LY75: variants seen among roughly 807,000 people sequenced by gnomAD.
The protein encoded by LY75 is lymphocyte antigen 75.
A neutral mutation model predicts 231.7 loss-of-function variants in LY75; 185 were observed. The ratio of observed to expected loss-of-function variants is 0.80; its 90% CI spans 0.71 to 0.90. The LOEUF (loss-of-function observed/expected upper bound fraction) is 0.90. Ranked by LOEUF, LY75 falls within the 40% of genes least tolerant of loss-of-function variation. The pLI is 0.00. For synonymous variants in LY75, 668 were observed against 689.0 expected, an observed-to-expected ratio of 0.97 and a Z score of 0.48; for missense variants, 1,947 against 2,050.2, an observed-to-expected ratio of 0.95 and a Z score of 0.97.
Position 159,850,049 on chromosome 2 carries a change from A to C in LY75, c.3081T>G (p.Asp1027Glu). 1 of 1,614,000 alleles carries C rather than the reference A, an allele frequency of 6.2e-7. No individual in the cohort carries two copies. Among genetic ancestry groups the C allele is most frequent in the Non-Finnish European group, 8.5e-7 (1 of 1,179,920 alleles). The change falls in exon 23 of 35, where the codon GAT becomes GAG. Residue 1027 changes from aspartate to glutamate, a missense_variant. Asp to Glu is a conservative substitution (Grantham distance 45). Transcript: ENST00000263636. ...TAYEKINKWT[D>E]NRELTYSNFH... is the part of the protein sequence containing the mutation. ...AGTTACTGTACGTCAGCTCTCTGTTATCTGTCCATTTGTTTATCTTTTCAT... is the reference window on the plus strand; with the variant it reads ...AGTTACTGTACGTCAGCTCTCTGTTCTCTGTCCATTTGTTTATCTTTTCAT...
At chr2:159,837,964 T>C (rs1683882803) in intron 25 of LY75, among the ~76,000 whole-genome samples, 1 of 152,172 alleles carries the variant, frequency 6.6e-6, no homozygotes, top group African/African-American at 2.4e-5. Context: ...TAATTCTATG[T>C]ATTTTTATTT....
chr2:159,848,077 T>TACAC (rs1170525085), intron 23 of LY75, among the ~76,000 whole-genome samples: 6 of 30,918 alleles, frequency 1.9e-4, no homozygotes, highest in African/African-American at 7.9e-4. Context: ...TGTATATATA[T>TACAC]ATATATATAT....
intron 28 of LY75, among the ~76,000 whole-genome samples, chr2:159,823,972 C>T (rs1454663024): frequency 6.6e-6 from 1 of 152,160 alleles, no homozygotes; most frequent in East Asian, 1.9e-4. Context: ...AAAGGAAAAA[C>T]CGGTACCAGC....
intron 1 of LY75, 93 bp downstream of exon 1, chr2:159,904,496 C>A (rs1409194528): frequency 5.2e-6 from 7 of 1,336,056 alleles, no homozygotes; most frequent in Non-Finnish European, 6.9e-6. Flanking sequence ...CGTGACCTGC[C>A]CCAGGGGCGC....
At chr2:159,882,039 G>T in intron 7 of LY75, 85 bp downstream of exon 7, 3 of 1,469,308 alleles carry the variant, frequency 2.0e-6, no homozygotes, top group Non-Finnish European at 2.7e-6. Flanking sequence ...CAAACTGTAA[G>T]CTTTTCATTC....
intron 14 of LY75, among the ~76,000 whole-genome samples, chr2:159,864,117 T>C (rs1441319536): frequency 6.6e-6 from 1 of 152,212 alleles, no homozygotes; most frequent in Non-Finnish European, 1.5e-5. Flanking sequence ...TTAAGTGATG[T>C]ACGACTGTAT....
intron 23 of LY75, among the ~76,000 whole-genome samples, chr2:159,849,591 TACATCCATCAG>T (rs1053669663): frequency 1.6e-4 from 25 of 152,194 alleles, no homozygotes; most frequent in African/African-American, 5.5e-4. Flanking sequence ...GAAAAACCAG[TACATCCATCAG>T]AAGGCTGGGG....
intron 31 of LY75, among the ~76,000 whole-genome samples, chr2:159,815,166 AT>A (rs545168458): frequency 2.6e-5 from 4 of 151,304 alleles, no homozygotes; most frequent in Non-Finnish European, 4.4e-5. Flanking sequence ...ATGCCCAGCT[AT>A]TTTTTTTGCA....
At chr2:159,899,345 G>A (rs1396050016) in intron 1 of LY75, among the ~76,000 whole-genome samples, 1 of 152,164 alleles carries the variant, frequency 6.6e-6, no homozygotes, top group Non-Finnish European at 1.5e-5. Flanking sequence ...CTGTGCTCCA[G>A]TTTTCATATG....
Position 159,875,513 on chromosome 2 carries a change from T to C in LY75, c.1905A>G (p.Ala635=), listed in dbSNP as rs1560094952. 1 of 1,614,010 alleles carries C rather than the reference T, an allele frequency of 6.2e-7. No individual in the cohort carries two copies. The highest frequency in any genetic ancestry group is 8.5e-7 in the Non-Finnish European group (1 of 1,180,036). The change falls in exon 12 of 35, where the codon GCA becomes GCG. Residue 635 remains alanine (A), a synonymous_variant. Transcript: ENST00000263636. ...GACAGGGGTCATCAGGCTTAGGGGA[T>C]GCTTCTTCAGGCCCAAGGGGTCCAC... is the stretch of plus-strand genomic sequence containing the variant. ...KMSGPLGPEE[A]SPKPDDPCPE...
intron 14 of LY75, among the ~76,000 whole-genome samples, chr2:159,863,765 A>G (rs1161648418): frequency 6.6e-6 from 1 of 151,826 alleles, no homozygotes. Flanking sequence ...TTGTGTAGAT[A>G]GTCTTCCTTG....
At chr2:159,904,337 T>C (rs1407817135) in intron 1 of LY75, among the ~76,000 whole-genome samples, 1 of 152,158 alleles carries the variant, frequency 6.6e-6, no homozygotes, top group Admixed American at 6.5e-5. Context: ...GTGCACCGCG[T>C]CCCCTCTGCA....
chr2:159,814,994 C>T (rs1683071632), intron 31 of LY75, among the ~76,000 whole-genome samples: 1 of 136,346 alleles, frequency 7.3e-6, no homozygotes, highest in African/African-American at 2.6e-5. Context: ...TTTGTGAATA[C>T]ATCTTTTTTT....
At chr2:159,807,264 G>A in intron 33 of LY75, 124 bp from the exon 34 acceptor site, 5 of 1,159,254 alleles carry the variant, frequency 4.3e-6, no homozygotes, top group Non-Finnish European at 5.9e-6. Flanking sequence ...AAAATAAAAT[G>A]CATTAAAAAT....
At chr2:159,836,835 A>T (rs551144832) in intron 25 of LY75, among the ~76,000 whole-genome samples, 2 of 152,216 alleles carry the variant, frequency 1.3e-5, no homozygotes, top group African/African-American at 4.8e-5. Flanking sequence ...ACTGCCCTGC[A>T]TTTCTTCCCC....
At chr2:159,815,314 C>A (rs1683092414) in intron 31 of LY75, 91 bp downstream of exon 31, 21 of 1,455,618 alleles carry the variant, frequency 1.4e-5, no homozygotes, top group Non-Finnish European at 1.5e-5. Flanking sequence ...GTGAATAAAT[C>A]TTTAAATAAA....
chr2:159,874,814 T>A (rs10204564), intron 12 of LY75, among the ~76,000 whole-genome samples: 6 of 42,462 alleles, frequency 1.4e-4, no homozygotes, highest in Admixed American at 2.9e-4. Flanking sequence ...TTTTGTAAAT[T>A]TATGTAAATA....
rs772096904 is a variant in LY75, at chr2:159,878,344, T to A, written c.1754A>T (p.Asn585Ile). 1 of 1,613,898 alleles carries A rather than the reference T, an allele frequency of 6.2e-7. No individual in the cohort carries two copies. Among genetic ancestry groups the A allele is most frequent in the South Asian group, 1.1e-5 (1 of 91,034 alleles). ...CTCACCTGGCTCAAGAAAATTCCAG[T>A]TGGAAAAGGTTACAGCCCGCCTTCT... ...GGRRRAVTFSNWNFLEPASPG... is the reference protein window; with the variant it reads ...GGRRRAVTFSIWNFLEPASPG... Residue 585 changes from asparagine to isoleucine, a missense_variant, in exon 11 of 35, where the codon AAC becomes ATC. Coordinates refer to ENST00000263636, the MANE Select transcript of LY75 (RefSeq NM_002349.4).
intron 6 of LY75, among the ~76,000 whole-genome samples, chr2:159,882,806 T>A (rs1243260816): frequency 6.6e-6 from 1 of 151,924 alleles, no homozygotes; most frequent in Non-Finnish European, 1.5e-5. Context: ...CAGGCAGAGA[T>A]TTAAGGGACA....
Sources: gnomAD v4.1 joint callset for allele counts (sites outside exome capture counted in the v4.1 genomes callset) on GRCh38, gnomAD v4.1.1 for gene constraint, MANE v1.5 for transcripts, NCBI Gene and HGNC (gene_info 2026-07-23, HGNC 2026-07-21) for gene names.